Variants in GABRA3 observed in about 807,000 individuals in gnomAD.
The protein encoded by GABRA3 is gamma-aminobutyric acid type A receptor subunit alpha3.
In GABRA3, 10 loss-of-function variants were observed where a neutral mutation model predicts 30.1. The observed-to-expected ratio is 0.33, with a 90% CI of 0.20 to 0.56. The LOEUF is 0.56. Among genes scored for constraint, GABRA3 ranks in the 20% least tolerant of loss-of-function variants. The pLI is 0.89. For synonymous variants in GABRA3, 151 were observed against 146.8 expected (o/e 1.03, Z -0.21); for missense variants, 233 against 392.0 (o/e 0.59, Z 3.42).
chrX:152,252,002 C>A (rs1240521465), intron 5 of GABRA3, among the ~76,000 whole-genome samples: 1 of 111,063 alleles, frequency 9.0e-6, no homozygotes, highest in Non-Finnish European at 1.9e-5. Flanking sequence ...TTGCTGTCAG[C>A]GATGTGTTAT....
chrX:152,174,167 C>T (rs1937041371), intron 9 of GABRA3, among the ~76,000 whole-genome samples: 1 of 111,250 alleles, frequency 9.0e-6, no homozygotes, highest in South Asian at 3.8e-4. Context: ...ATATGTGCCA[C>T]ATTTTCTTAA....
chrX:152,381,210 C>A lies in GABRA3; in HGVS notation c.-26-16614G>T, dbSNP rs558378214. ...ACTGTGAACTAAATAAACTTCTTTTCTTTATGAATTACCCAGCCTCAGGTA... is the reference window on the plus strand; with the variant it reads ...ACTGTGAACTAAATAAACTTCTTTTATTTATGAATTACCCAGCCTCAGGTA... On this transcript the variant is annotated intron_variant, in intron 1 of 9. Coordinates refer to ENST00000370314, the MANE Select transcript of GABRA3 (RefSeq NM_000808.4). 2.7e-5 allele frequency among the ~76,000 whole-genome samples: 3 copies of A among 112,138 alleles called. No individual in the cohort carries two copies. The South Asian group carries it at 1.1e-3, about 41-fold the overall frequency.
intron 1 of GABRA3, among the ~76,000 whole-genome samples, chrX:152,401,287 T>C (rs7066622): frequency 8.8e-4 from 88 of 100,217 alleles, no homozygotes; most frequent in African/African-American, 1.6e-3. Context: ...TATATATATA[T>C]ACACACACAC....
At chrX:152,422,277 A>T (rs1280893526) in intron 1 of GABRA3, among the ~76,000 whole-genome samples, 1 of 111,528 alleles carries the variant, frequency 9.0e-6, no homozygotes, top group Non-Finnish European at 1.9e-5. Flanking sequence ...CATGTTGAAT[A>T]AAACAAGCCA....
At chrX:152,173,964 T>C (rs1272217341) in intron 9 of GABRA3, among the ~76,000 whole-genome samples, 1 of 109,283 alleles carries the variant, frequency 9.2e-6, no homozygotes, top group Non-Finnish European at 1.9e-5. Context: ...CAACAGGCCC[T>C]GGTGTGTGAT....
intron 7 of GABRA3, among the ~76,000 whole-genome samples, chrX:152,207,013 T>C (rs1237815093): frequency 1.3e-4 from 14 of 111,446 alleles, no homozygotes. Flanking sequence ...ATTGCCTTTG[T>C]CAAGAATAGC....
At chrX:152,254,216 C>T (rs1234067747) in intron 5 of GABRA3, among the ~76,000 whole-genome samples, 1 of 110,593 alleles carries the variant, frequency 9.0e-6, no homozygotes, top group Non-Finnish European at 1.9e-5. Flanking sequence ...AATTTCCCTC[C>T]CTCTTGTTCA....
At chrX:152,249,231 C>G (rs942412541) in intron 5 of GABRA3, among the ~76,000 whole-genome samples, 13 of 110,932 alleles carry the variant, frequency 1.2e-4, no homozygotes, top group Non-Finnish European at 2.5e-4. Context: ...CTTGTAGAAA[C>G]CAGCCATACA....
chrX:152,366,747 G>A lies in GABRA3; in HGVS notation c.-26-2151C>T, dbSNP rs1928671635. ...AGACAAACATGATACATGTGAAGAAGCATTTGGTACATCAATTCTTAACCA... is the reference window on the plus strand; with the variant it reads ...AGACAAACATGATACATGTGAAGAAACATTTGGTACATCAATTCTTAACCA... On this transcript the variant is annotated intron_variant, in intron 1 of 9. Transcript: ENST00000370314. Among the ~76,000 whole-genome samples, 2 of 112,054 alleles carry A rather than the reference G, an allele frequency of 1.8e-5. 1 individual carries two copies. The highest frequency in any genetic ancestry group is 6.5e-5 in the African/African-American group (2 of 30,896).
rs1351159184 is a variant in GABRA3 at position 152,227,953 on chromosome X, A to G, written c.552-3108T>C. Among the ~76,000 whole-genome samples the G allele has an allele frequency of 2.7e-5, 3 of 111,199 alleles. 1 individual carries two copies. The East Asian group carries it at 8.6e-4, about 32-fold the overall frequency. ...AGAGATGCTCTAGTTATCTTTGGTTATCTTTGAGCAAGTATGTTCTATGTA... is the reference window on the plus strand; with the variant it reads ...AGAGATGCTCTAGTTATCTTTGGTTGTCTTTGAGCAAGTATGTTCTATGTA... On this transcript the variant is annotated intron_variant, in intron 5 of 9. Transcript: ENST00000370314.
chrX:152,310,748 A>T (rs976872103), intron 3 of GABRA3, among the ~76,000 whole-genome samples: 1 of 111,595 alleles, frequency 9.0e-6, no homozygotes, highest in Non-Finnish European at 1.9e-5. Flanking sequence ...TAAAAAAAAC[A>T]TTCAAAAGAT....
intron 9 of GABRA3, chrX:152,186,919 T>A (rs761033480): frequency 9.1e-6 from 1 of 110,061 alleles, no homozygotes; most frequent in Non-Finnish European, 1.9e-5. Context: ...CAAGGAGGTA[T>A]AATTTTTTAA....
At chrX:152,431,797 T>A (rs187003533) in intron 1 of GABRA3, among the ~76,000 whole-genome samples, 108 of 111,244 alleles carry the variant, frequency 9.7e-4, no homozygotes, top group African/African-American at 3.4e-3. Flanking sequence ...TTGCTGACTT[T>A]GAAGATGGGG....
chrX:152,397,405 C>T (rs1217301223), intron 1 of GABRA3, among the ~76,000 whole-genome samples: 1 of 112,063 alleles, frequency 8.9e-6, no homozygotes, highest in Non-Finnish European at 1.9e-5. Flanking sequence ...AAATCTTTTT[C>T]CTTTTTAGAA....
At chrX:152,187,032 A>G (rs1937264966) in intron 9 of GABRA3, among the ~76,000 whole-genome samples, 1 of 112,029 alleles carries the variant, frequency 8.9e-6, no homozygotes, top group Non-Finnish European at 1.9e-5. Context: ...CTCATTAGTG[A>G]ACTCAAGCTG....
chrX:152,416,036 A>T (rs1930206469), intron 1 of GABRA3, among the ~76,000 whole-genome samples: 1 of 110,453 alleles, frequency 9.1e-6, no homozygotes, highest in African/African-American at 3.3e-5. Flanking sequence ...CTTAGGCAGG[A>T]GAAGGAAATA....
At chrX:152,243,371 T>C (rs1272317228) in intron 5 of GABRA3, among the ~76,000 whole-genome samples, 1 of 111,746 alleles carries the variant, frequency 8.9e-6, no homozygotes, top group African/African-American at 3.2e-5. Flanking sequence ...AGATGTGAGG[T>C]AATGCATATG....
At chrX:152,281,665 T>C (rs1479102879) in intron 4 of GABRA3, among the ~76,000 whole-genome samples, 1 of 112,256 alleles carries the variant, frequency 8.9e-6, no homozygotes, top group Non-Finnish European at 1.9e-5. Flanking sequence ...ACCTAGTAGC[T>C]GAAGCTTGGA....
In GABRA3 at chrX:152,414,223, C is replaced by T. The variant is rs191392427; in HGVS notation, c.-27+36923G>A. Among the ~76,000 whole-genome samples, 141 of 110,567 alleles carry T rather than the reference C, an allele frequency of 1.3e-3. 1 individual carries two copies. Among genetic ancestry groups the T allele is most frequent in the Middle Eastern group, 4.6e-3 (1 of 217 alleles). ...TTTAATAGGATCAAGCTGGACACAA[C>T]GCAAAAATATTTTTACAGGTAAATA... On this transcript the variant is annotated intron_variant, in intron 1 of 9. Transcript: ENST00000370314.
Sources: gnomAD v4.1 joint callset for allele counts (sites outside exome capture counted in the v4.1 genomes callset) on GRCh38, gnomAD v4.1.1 for gene constraint, MANE v1.5 for transcripts, NCBI Gene and HGNC (gene_info 2026-07-23, HGNC 2026-07-21) for gene names.